FGF12: variants seen among roughly 807,000 people sequenced by gnomAD.
The protein encoded by FGF12 is fibroblast growth factor 12.
In FGF12, 14 loss-of-function variants were observed where a neutral mutation model predicts 23.6. The observed-to-expected ratio is 0.59, with a 90% CI of 0.39 to 0.93. FGF12 has a LOEUF of 0.93. Among genes scored for constraint, FGF12 ranks in the 40% least tolerant of loss-of-function variants. FGF12 has a pLI of 0.00. For missense variants in FGF12, 175 were observed against 217.8 expected (o/e 0.80, Z 1.24); for synonymous variants, 62 against 77.3 (o/e 0.80, Z 1.04).
chr3:192,394,669 G>A (rs2108764831), intron 2 of FGF12, among the ~76,000 whole-genome samples: 2 of 152,260 alleles, frequency 1.3e-5, no homozygotes, highest in Middle Eastern at 6.8e-3. Context: ...TCCTAGTCCA[G>A]TATTTTTTCT....
At chr3:192,244,511 A>C (rs1719785682) in intron 4 of FGF12, among the ~76,000 whole-genome samples, 1 of 152,134 alleles carries the variant, frequency 6.6e-6, no homozygotes, top group Non-Finnish European at 1.5e-5. Context: ...TATAAGCAAA[A>C]AGTAATAATA....
At chr3:192,623,104 C>T (rs565881963) in intron 2 of FGF12, among the ~76,000 whole-genome samples, 2 of 152,284 alleles carry the variant, frequency 1.3e-5, no homozygotes, top group East Asian at 1.9e-4. Context: ...AAGCCAGGTC[C>T]CCTGCTAGAG....
At chr3:192,649,688 C>T (rs749792259) in intron 2 of FGF12, among the ~76,000 whole-genome samples, 2 of 151,564 alleles carry the variant, frequency 1.3e-5, no homozygotes, top group Admixed American at 6.6e-5. Flanking sequence ...AGTAGGAGTG[C>T]GGAATTATAG....
chr3:192,249,623 T>C (rs1175867626), intron 4 of FGF12, among the ~76,000 whole-genome samples: 1 of 152,160 alleles, frequency 6.6e-6, no homozygotes, highest in African/African-American at 2.4e-5. Flanking sequence ...GAACATTGAT[T>C]GTTTTCCATG....
Position 192,514,958 on chromosome 3 carries a change from C to T in FGF12, c.14-154420G>A. The T allele has an allele frequency of 8.7e-6, 7 of 803,944 alleles. No homozygotes were observed. The highest frequency in any genetic ancestry group is 1.1e-5 in the Non-Finnish European group (7 of 664,340). 49.8% of individuals were successfully genotyped at this position (803,944 alleles called of 1,614,324 possible). On this transcript the variant is annotated intron_variant, in intron 2 of 5. Transcript: ENST00000445105. The surrounding 1 kb of genome is among the most constrained non-coding windows in gnomAD (Gnocchi z 4.9). ...CGCGGAAGTGCCGGTCCGCCGGGGGCAGCCCTCCGAGAGCCCGAGGCGCTG... is the reference window on the plus strand; with the variant it reads ...CGCGGAAGTGCCGGTCCGCCGGGGGTAGCCCTCCGAGAGCCCGAGGCGCTG...
intron 2 of FGF12, among the ~76,000 whole-genome samples, chr3:192,366,372 A>C (rs1235260972): frequency 1.3e-5 from 2 of 152,178 alleles, no homozygotes; most frequent in Admixed American, 6.6e-5. Context: ...ATAAACTCCA[A>C]TCTAAAATGA....
chr3:192,218,016 T>C (rs571534466), intron 4 of FGF12, among the ~76,000 whole-genome samples: 73 of 152,138 alleles, frequency 4.8e-4, no homozygotes, highest in African/African-American at 1.7e-3. Flanking sequence ...TTTGTATTTT[T>C]AGTAGAGATG....
At chr3:192,209,043 T>A (rs1036778448) in intron 4 of FGF12, among the ~76,000 whole-genome samples, 1 of 152,226 alleles carries the variant, frequency 6.6e-6, no homozygotes, top group Non-Finnish European at 1.5e-5. Context: ...GCTACATTAC[T>A]TAAAAAGTTA....
At chr3:192,357,254 C>A (rs1157589530) in intron 3 of FGF12, among the ~76,000 whole-genome samples, 1 of 152,058 alleles carries the variant, frequency 6.6e-6, no homozygotes, top group African/African-American at 2.4e-5. Flanking sequence ...GAGGCCGAGG[C>A]GGGTGGATCA....
intron 2 of FGF12, among the ~76,000 whole-genome samples, chr3:192,524,620 T>C (rs992268228): frequency 2.6e-5 from 4 of 152,228 alleles, no homozygotes. Flanking sequence ...TGCTCACAAA[T>C]ATATTCACAA....
chr3:192,570,220 T>C (rs1386667801), intron 2 of FGF12, among the ~76,000 whole-genome samples: 27 of 152,204 alleles, frequency 1.8e-4, no homozygotes, highest in Admixed American at 1.7e-3. Flanking sequence ...TGTTTGCTTT[T>C]GTTTTCCATG....
intron 2 of FGF12, among the ~76,000 whole-genome samples, chr3:192,574,844 G>A (rs1022652014): frequency 2.0e-5 from 3 of 152,192 alleles, no homozygotes; most frequent in African/African-American, 7.2e-5. Context: ...CTGCTTAACA[G>A]CAATCTCATG....
intron 3 of FGF12, among the ~76,000 whole-genome samples, chr3:192,348,232 C>A (rs1048352512): frequency 6.6e-6 from 1 of 152,068 alleles, no homozygotes. Flanking sequence ...GGTATGTGTT[C>A]CAGATTCGGT....
At position 192,579,739 on chromosome 3, in the gene FGF12, T is replaced by C. The variant is rs1221222496; in HGVS notation, c.13+147442A>G. 2.0e-5 allele frequency among the ~76,000 whole-genome samples: 3 copies of C among 152,048 alleles called. No homozygotes were observed. The East Asian group carries it at 5.8e-4, about 29-fold the overall frequency. On this transcript the variant is annotated intron_variant, in intron 2 of 5. Coordinates refer to ENST00000445105, the MANE Select transcript of FGF12 (RefSeq NM_004113.6). ...TGTGTGCCACCACACCCAGCTAGTT[T>C]TTGTATTTTTCAATAGAGACAGTTT...
At position 192,154,637 on chromosome 3, in the gene FGF12, G is replaced by A. The variant is rs575890665; in HGVS notation, c.428-10510C>T. On this transcript the variant is annotated intron_variant, in intron 5 of 5. Coordinates refer to ENST00000445105, the MANE Select transcript of FGF12 (RefSeq NM_004113.6). The stretch of plus-strand genomic sequence containing the variant: ...CAGTTAGGCTGCTCGGGGGTCAGGG[G>A]TCAGGGACCCACTTGAGGAGGTAGT... Among the ~76,000 whole-genome samples the A allele has an allele frequency of 2.4e-3, 366 of 149,718 alleles. 2 individuals are homozygous for A. Among genetic ancestry groups the A allele is most frequent in the African/African-American group, 8.8e-3 (358 of 40,624 alleles).
chr3:192,483,492 G>A (rs781279697), intron 2 of FGF12, among the ~76,000 whole-genome samples: 13 of 152,154 alleles, frequency 8.5e-5, no homozygotes, highest in Non-Finnish European at 1.6e-4. Context: ...GCCTGATACG[G>A]TTTTATTTCC....
intron 2 of FGF12, among the ~76,000 whole-genome samples, chr3:192,373,943 A>G (rs1050865894): frequency 4.1e-4 from 63 of 152,202 alleles, no homozygotes; most frequent in African/African-American, 1.4e-3. Context: ...TAGCTAAGGA[A>G]TCTCTCAAAC....
intron 2 of FGF12, among the ~76,000 whole-genome samples, chr3:192,386,629 G>A (rs1426319035): frequency 6.6e-6 from 1 of 152,068 alleles, no homozygotes; most frequent in Non-Finnish European, 1.5e-5. Flanking sequence ...AAAATAATTA[G>A]AGTAATTTAT....
intron 4 of FGF12, among the ~76,000 whole-genome samples, chr3:192,252,063 T>G (rs1391860277): frequency 1.3e-5 from 2 of 152,156 alleles, no homozygotes; most frequent in Non-Finnish European, 2.9e-5. Context: ...CTTAATTTTT[T>G]TTTGTGTGTA....
Sources: gnomAD v4.1 joint callset for allele counts (sites outside exome capture counted in the v4.1 genomes callset) on GRCh38, gnomAD v4.1.1 for gene constraint, Gnocchi (gnomAD v3.1) non-coding constraint, MANE v1.5 for transcripts, NCBI Gene and HGNC (gene_info 2026-07-23, HGNC 2026-07-21) for gene names.